The following FGF14 variants were observed in gnomAD, a reference collection of about 807,000 sequenced individuals.
FGF14 encodes fibroblast growth factor 14, also known as fibroblast growth factor homologous factor 4.
FGF14 carries 5 observed loss-of-function variants against 25.5 expected under a neutral mutation model. The ratio of observed to expected loss-of-function variants is 0.20; its 90% CI spans 0.10 to 0.41. The LOEUF (loss-of-function observed/expected upper bound fraction) is 0.41. Among genes scored for constraint, FGF14 ranks in the 10% least tolerant of loss-of-function variants. FGF14 has a pLI of 1.00. For missense variants in FGF14, 222 were observed against 320.1 expected (o/e 0.69, Z 2.34); for synonymous variants, 138 against 118.3 (o/e 1.17, Z -1.08).
chr13:102,300,818 G>A (rs1387904508), intron 1 of FGF14, among the ~76,000 whole-genome samples: 15 of 151,918 alleles, frequency 9.9e-5, no homozygotes, highest in Admixed American at 9.8e-4. Flanking sequence ...TCACACATGA[G>A]AGGATTTTCA....
chr13:101,882,998 G>A (rs926184113), intron 1 of FGF14, among the ~76,000 whole-genome samples: 14 of 151,876 alleles, frequency 9.2e-5, no homozygotes, highest in Admixed American at 2.6e-4. Flanking sequence ...GAAAAGAGGC[G>A]GCATTCAGAG....
intron 1 of FGF14, among the ~76,000 whole-genome samples, chr13:101,940,300 G>A (rs2035363797): frequency 6.6e-6 from 1 of 152,176 alleles, no homozygotes. Flanking sequence ...CTCTTCCTCT[G>A]GAAGTATGCA....
chr13:101,910,117 T>C (rs552295717), intron 1 of FGF14, among the ~76,000 whole-genome samples: 19 of 151,974 alleles, frequency 1.3e-4, no homozygotes, highest in African/African-American at 4.6e-4. Flanking sequence ...GGGGGAGGGA[T>C]AGCATTAGGA....
At chr13:102,399,523 A>G (rs2058654228) in intron 1 of FGF14, among the ~76,000 whole-genome samples, 1 of 152,144 alleles carries the variant, frequency 6.6e-6, no homozygotes, top group Non-Finnish European at 1.5e-5. Context: ...GGGTCTTCAT[A>G]TTAGGCTGTG....
At chr13:101,962,142 T>A (rs1437044723) in intron 1 of FGF14, among the ~76,000 whole-genome samples, 2 of 152,184 alleles carry the variant, frequency 1.3e-5, no homozygotes, top group Non-Finnish European at 2.9e-5. Context: ...AATCTATAAA[T>A]TACTTTGGGC....
intron 3 of FGF14, among the ~76,000 whole-genome samples, chr13:101,856,376 T>C: frequency 6.6e-6 from 1 of 151,928 alleles, no homozygotes. Context: ...GTTATTCGAC[T>C]GGCAATATCT....
At chr13:101,991,868 A>T (rs953327404) in intron 1 of FGF14, among the ~76,000 whole-genome samples, 3 of 152,038 alleles carry the variant, frequency 2.0e-5, no homozygotes, top group African/African-American at 7.2e-5. Flanking sequence ...TCAAAGAAAA[A>T]TCCCCTCATG....
At position 101,718,857 on chromosome 13, in the gene FGF14, A is replaced by G. The variant is rs1375770804; in HGVS notation, c.*3974T>C. ...TGTCAACACTTTGAAACCCTACTCC[A>G]TATTCAAGAGAGTCAACAGGCCCTA... On this transcript the variant is annotated 3_prime_UTR_variant, in exon 5 of 5. Transcript: ENST00000376143. The G allele has an allele frequency of 6.6e-6, 1 of 151,982 alleles. No individual in the cohort carries two copies. Among genetic ancestry groups the G allele is most frequent in the Non-Finnish European group, 1.5e-5 (1 of 67,988 alleles). 9.4% of individuals were successfully genotyped at this position (151,982 alleles called of 1,614,324 possible).
chr13:102,228,919 G>T (rs1190113905), intron 1 of FGF14, among the ~76,000 whole-genome samples: 1 of 152,138 alleles, frequency 6.6e-6, no homozygotes, highest in East Asian at 1.9e-4. Context: ...ATTTTGGGTT[G>T]ATTTAAACAT....
chr13:102,316,014 T>G (rs1054938149), intron 1 of FGF14, among the ~76,000 whole-genome samples: 1 of 152,188 alleles, frequency 6.6e-6, no homozygotes, highest in Non-Finnish European at 1.5e-5. Flanking sequence ...AGCTACACTG[T>G]GCAGAGAAGA....
intron 1 of FGF14, among the ~76,000 whole-genome samples, chr13:102,066,813 TC>T (rs776906340): frequency 2.0e-5 from 3 of 152,218 alleles, no homozygotes; most frequent in East Asian, 1.9e-4. Flanking sequence ...AAACAAGAGC[TC>T]CCCCCTTTGT....
intron 1 of FGF14, among the ~76,000 whole-genome samples, chr13:102,006,073 C>T (rs1212793044): frequency 6.6e-6 from 1 of 152,128 alleles, no homozygotes; most frequent in African/African-American, 2.4e-5. Flanking sequence ...TCAGTAAGTA[C>T]TAGGTACAAG....
At chr13:102,072,991 T>C (rs1400464963) in intron 1 of FGF14, among the ~76,000 whole-genome samples, 1 of 152,146 alleles carries the variant, frequency 6.6e-6, no homozygotes, top group African/African-American at 2.4e-5. Context: ...ACCGTATCTG[T>C]TGCCTCCACC....
intron 1 of FGF14, among the ~76,000 whole-genome samples, chr13:102,209,786 G>A (rs981297450): frequency 6.6e-6 from 1 of 152,136 alleles, no homozygotes; most frequent in South Asian, 2.1e-4. Flanking sequence ...AATAGATTAA[G>A]GGTTCCTAGC....
chr13:101,918,698 CTGT>C (rs2033765572), upstream of FGF14, among the ~76,000 whole-genome samples: 1 of 152,242 alleles, frequency 6.6e-6, no homozygotes, highest in South Asian at 2.1e-4. Context: ...CACTGCTGGG[CTGT>C]TGTTTGTTAC....
At chr13:101,776,099 G>A (rs977484924) in intron 3 of FGF14, among the ~76,000 whole-genome samples, 2 of 152,030 alleles carry the variant, frequency 1.3e-5, no homozygotes, top group Non-Finnish European at 2.9e-5. Flanking sequence ...TAATATAGAT[G>A]AACATTACAC....
Position 102,189,898 on chromosome 13 carries a change from G to C in FGF14, c.208+211573C>G, listed in dbSNP as rs143395969. On this transcript the variant is annotated intron_variant, in intron 1 of 4. Coordinates refer to the FGF14 transcript ENST00000376131. The stretch of plus-strand genomic sequence containing the variant: ...AGGCTCTTTTAAACAACCAGCTCTT[G>C]AGTGAACTAATAGAGTGAGAACTCA... Among the ~76,000 whole-genome samples, 407 of 152,160 alleles carry C rather than the reference G, an allele frequency of 2.7e-3. 2 individuals are homozygous for C. The highest frequency in any genetic ancestry group is 8.7e-3 in the African/African-American group (361 of 41,522).
chr13:101,819,663 T>C lies in FGF14; in HGVS notation c.408+49062A>G, dbSNP rs1163982988. Among the ~76,000 whole-genome samples the C allele has an allele frequency of 3.3e-5, 5 of 152,232 alleles. No individual in the cohort carries two copies. The South Asian group carries it at 6.2e-4, about 19-fold the overall frequency. ...CGTCAGCTTAGTTTTATTTCCAGCA[T>C]CAGACAAGAAGGTATCTCCTATTTT... On this transcript the variant is annotated intron_variant, in intron 3 of 4. Coordinates refer to ENST00000376143, the MANE Select transcript of FGF14 (RefSeq NM_004115.4).
At chr13:102,201,029 G>C (rs1173987501) in intron 1 of FGF14, among the ~76,000 whole-genome samples, 5 of 143,406 alleles carry the variant, frequency 3.5e-5, no homozygotes, top group Non-Finnish European at 7.5e-5. Flanking sequence ...GTGAACCCGG[G>C]AGGCGGAGCT....
Sources: gnomAD v4.1 joint callset for allele counts (sites outside exome capture counted in the v4.1 genomes callset) on GRCh38, gnomAD v4.1.1 for gene constraint, MANE v1.5 for transcripts, NCBI Gene and HGNC (gene_info 2026-07-23, HGNC 2026-07-21) for gene names.